RALYL: variants seen among roughly 807,000 people sequenced by gnomAD.
The protein encoded by RALYL is RALY RNA binding protein like, also known as RNA-binding Raly-like protein.
In RALYL, 29 loss-of-function variants were observed where a neutral mutation model predicts 35.1. The observed-to-expected ratio is 0.83, with a 90% CI of 0.61 to 1.13. The LOEUF (loss-of-function observed/expected upper bound fraction) is 1.13. Ranked by LOEUF, RALYL falls within the 50% of genes most tolerant of loss-of-function variation. RALYL has a pLI of 0.00. For synonymous variants in RALYL, 120 were observed against 127.6 expected (o/e 0.94, Z 0.40); for missense variants, 359 against 360.4 (o/e 1.00, Z 0.03).
chr8:84,196,626 G>C (rs569442409), intron 1 of RALYL, among the ~76,000 whole-genome samples: 28 of 152,182 alleles, frequency 1.8e-4, no homozygotes, highest in Admixed American at 1.8e-3. Flanking sequence ...TCACAGGCCA[G>C]TGGCTATCAC....
chr8:84,912,453 GTTTA>G (rs1415505474), intron 8 of RALYL, among the ~76,000 whole-genome samples: 4 of 151,990 alleles, frequency 2.6e-5, no homozygotes, highest in East Asian at 1.9e-4. Flanking sequence ...GGTCAATAAT[GTTTA>G]TTTAAAGTTT....
intron 1 of RALYL, among the ~76,000 whole-genome samples, chr8:84,256,666 A>G (rs1831269050): frequency 6.6e-6 from 1 of 152,120 alleles, no homozygotes; most frequent in Non-Finnish European, 1.5e-5. Context: ...ACTTTCAACA[A>G]ATGAGTTAAC....
At chr8:84,367,318 ATTTTTT>A (rs56387511) in intron 1 of RALYL, among the ~76,000 whole-genome samples, 4 of 27,408 alleles carry the variant, frequency 1.5e-4, no homozygotes, top group African/African-American at 3.2e-4. Context: ...TAATTTTTGT[ATTTTTT>A]TTTTTTTTTT....
intron 1 of RALYL, among the ~76,000 whole-genome samples, chr8:84,223,414 C>T (rs1823010978): frequency 6.6e-6 from 1 of 152,032 alleles, no homozygotes; most frequent in Non-Finnish European, 1.5e-5. Flanking sequence ...AAGCATTTGC[C>T]TTTTTGGTGG....
At chr8:84,863,882 G>A (rs1011288763) in intron 6 of RALYL, among the ~76,000 whole-genome samples, 3 of 152,148 alleles carry the variant, frequency 2.0e-5, no homozygotes, top group East Asian at 3.9e-4. Flanking sequence ...TCCATTTTGA[G>A]TCTTAGTAAT....
chr8:84,445,840 A>G (rs563571917), intron 1 of RALYL, among the ~76,000 whole-genome samples: 40 of 151,552 alleles, frequency 2.6e-4, no homozygotes, highest in African/African-American at 9.6e-4. Context: ...ATTTTTCACA[A>G]GTAAAGTTAT....
At chr8:84,701,209 T>A (rs1840127218) in intron 2 of RALYL, among the ~76,000 whole-genome samples, 1 of 152,184 alleles carries the variant, frequency 6.6e-6, no homozygotes, top group African/African-American at 2.4e-5. Context: ...GAGATATCAC[T>A]TCCTATCACT....
chr8:84,473,437 A>T (rs954288739), intron 1 of RALYL, among the ~76,000 whole-genome samples: 1 of 151,878 alleles, frequency 6.6e-6, no homozygotes, highest in African/African-American at 2.4e-5. Context: ...AAAAATTGAA[A>T]GTGAATTCAT....
intron 1 of RALYL, among the ~76,000 whole-genome samples, chr8:84,423,870 T>C (rs1269415253): frequency 1.8e-4 from 27 of 151,890 alleles, no homozygotes; most frequent in South Asian, 4.2e-4. Context: ...GAATGTTGAA[T>C]ATTGGCCCCC....
chr8:84,489,195 A>G (rs1361858405), intron 1 of RALYL, among the ~76,000 whole-genome samples: 1 of 152,004 alleles, frequency 6.6e-6, no homozygotes, highest in South Asian at 2.1e-4. Context: ...ACTGCTAGCT[A>G]CTATTGGCTT....
intron 2 of RALYL, among the ~76,000 whole-genome samples, chr8:84,773,312 G>GGTT (rs1171975927): frequency 6.6e-6 from 1 of 152,104 alleles, no homozygotes; most frequent in Non-Finnish European, 1.5e-5. Flanking sequence ...CAGAATTTTT[G>GGTT]GTTGTTTTCA....
At chr8:84,844,562 A>G (rs200429132) in intron 4 of RALYL, among the ~76,000 whole-genome samples, 3 of 152,162 alleles carry the variant, frequency 2.0e-5, no homozygotes, top group East Asian at 3.9e-4. Flanking sequence ...TCAGTGTGGC[A>G]ATTCCTCAGG....
intron 2 of RALYL, among the ~76,000 whole-genome samples, chr8:84,729,882 G>A (rs550522620): frequency 1.5e-4 from 23 of 152,254 alleles, no homozygotes; most frequent in African/African-American, 5.3e-4. Flanking sequence ...TGAAATTGTG[G>A]CAATAATCAA....
intron 1 of RALYL, among the ~76,000 whole-genome samples, chr8:84,209,923 A>G (rs1819051900): frequency 1.3e-5 from 2 of 152,066 alleles, no homozygotes. Flanking sequence ...TGTATTTTTC[A>G]TTTCGTATTT....
chr8:84,327,154 G>A (rs918680434), intron 1 of RALYL, among the ~76,000 whole-genome samples: 19 of 152,280 alleles, frequency 1.2e-4, no homozygotes, highest in Middle Eastern at 3.4e-3. Context: ...ATGTAGTGCA[G>A]TGAAAACTCA....
At chr8:84,648,176 T>A (rs1827903648) in intron 2 of RALYL, among the ~76,000 whole-genome samples, 1 of 152,086 alleles carries the variant, frequency 6.6e-6, no homozygotes, top group African/African-American at 2.4e-5. Context: ...TTTTGGTCTC[T>A]GATTAAACAT....
At chr8:84,242,037 T>A (rs1828037982) in intron 1 of RALYL, among the ~76,000 whole-genome samples, 1 of 152,110 alleles carries the variant, frequency 6.6e-6, no homozygotes, top group Non-Finnish European at 1.5e-5. Flanking sequence ...TAGTGTGTGT[T>A]GTTCCCCCCA....
At chr8:84,875,953 G>A (rs10958228) in intron 7 of RALYL, among the ~76,000 whole-genome samples, 54,015 of 151,820 alleles carry the variant, frequency 0.36, 10,131 homozygotes, top group East Asian at 0.7. Context: ...AATAATGGCA[G>A]GAAGGAGATG....
rs1441095473 is a variant in RALYL, at chr8:84,619,991, G to A, written c.256+90414G>A. Among the ~76,000 whole-genome samples the A allele has an allele frequency of 5.3e-5, 8 of 152,042 alleles. No homozygotes were observed. The East Asian group carries it at 1.6e-3, about 29-fold the overall frequency. ...GTTAGTCTGATGGGCTTCCCTTTGA[G>A]GGTAACCCGACCTTTCTCTCTGGCT... On this transcript the variant is annotated intron_variant, in intron 2 of 8. Transcript: ENST00000521268.
Sources: gnomAD v4.1 joint callset for allele counts (sites outside exome capture counted in the v4.1 genomes callset) on GRCh38, gnomAD v4.1.1 for gene constraint, MANE v1.5 for transcripts, NCBI Gene and HGNC (gene_info 2026-07-23, HGNC 2026-07-21) for gene names.